The following DOHH variants were observed in gnomAD, a reference collection of about 807,000 sequenced individuals.
DOHH encodes deoxyhypusine hydroxylase.
DOHH carries 16 observed loss-of-function variants against 19.9 expected under a neutral mutation model. That is an observed-to-expected ratio of 0.80 (90% confidence interval 0.54 to 1.22). The LOEUF (loss-of-function observed/expected upper bound fraction) is 1.22. Among genes scored for constraint, DOHH ranks in the 50% most tolerant of loss-of-function variants. The probability of loss-of-function intolerance (pLI) is 0.00; values close to 1 mark genes in which losing one functional copy is unlikely to be tolerated. For missense variants in DOHH, 460 were observed against 460.6 expected, an observed-to-expected ratio of 1.00 and a Z score of 0.01; for synonymous variants, 233 against 217.0, an observed-to-expected ratio of 1.07 and a Z score of -0.65.
chr19:3,491,893 A>C lies in DOHH; in HGVS notation c.590-82T>G, dbSNP rs1040150633. ...CTTTTCGAAGACATGGGGTCTTGCT[A>C]TCTTGCCCAGGCAGGTCACAAAGTC... On this transcript the variant is annotated intron_variant, in intron 4 of 4. Transcript: ENST00000427575. This position sits in a 1 kb window ranked among gnomAD's most constrained non-coding sequence, Gnocchi z 5.6. 1.5e-6 allele frequency: 2 copies of C among 1,323,864 alleles called. No individual in the cohort carries two copies. The allele number at this position is 1,323,864 out of a possible 1,614,324, so 82.0% of individuals were successfully genotyped here.
At position 3,491,649 on chromosome 19, in the gene DOHH, C is replaced by T. The variant is rs371508531; in HGVS notation, c.752G>A (p.Arg251Gln). 2.3e-4 allele frequency: 357 copies of T among 1,534,698 alleles called. No homozygotes were observed. The highest frequency in any genetic ancestry group is 2.5e-4 in the Non-Finnish European group (282 of 1,144,904). ...ECAEALGAIA[R>Q]PACLAALQAH... is the part of the protein sequence containing the mutation. ...CTGCAGCGCGGCCAGGCAGGCGGGC[C>T]GGGCAATGGCGCCCAGGGCCTCCGC... The change falls in exon 5 of 5, where the codon CGG (arginine) becomes CAG (glutamine). Residue 251 changes from arginine (R) to glutamine (Q), a missense_variant. Physicochemically the swap from Arg to Gln is conservative, Grantham distance 43. Transcript: ENST00000427575. This position sits in a 1 kb window ranked among gnomAD's most constrained non-coding sequence, Gnocchi z 5.6.
rs1568220067 is a variant in DOHH, at chr19:3,491,632, CGGCCAGGCAGGCG to C, written c.756_768del (p.Ala253ArgfsTer71). ...GGGTCGTCCGCGTGAGCCTGCAGCGCGGCCAGGCAGGCGGGCCGGGCAATGGCGCCCAGGGCCT... is the reference window on the plus strand; with the variant it reads ...GGGTCGTCCGCGTGAGCCTGCAGCGCGGCCGGGCAATGGCGCCCAGGGCCT... On this transcript the variant is annotated frameshift_variant, in exon 5 of 5. Coordinates refer to ENST00000427575, the MANE Select transcript of DOHH (RefSeq NM_001145165.2). LOFTEE classifies it low-confidence loss of function (END_TRUNC). The surrounding 1 kb of genome is among the most constrained non-coding windows in gnomAD (Gnocchi z 5.6). 6.5e-7 allele frequency: 1 copy of C among 1,535,118 alleles called. No individual in the cohort carries two copies. Among genetic ancestry groups the C allele is most frequent in the African/African-American group, 1.4e-5 (1 of 73,018 alleles).
rs2082912016 is a variant in DOHH, at chr19:3,496,784, C to T, written c.31G>A (p.Gly11Arg). The change falls in exon 2 of 5, where the codon GGG becomes AGG. Residue 11 changes from glycine (G) to arginine (R), a missense_variant. Coordinates refer to ENST00000427575, the MANE Select transcript of DOHH (RefSeq NM_001145165.2). This position sits in a 1 kb window ranked among gnomAD's most constrained non-coding sequence, Gnocchi z 4.8. MVTEQEVDAI[G>R]QTLVDPKQPL... Reference sequence around the variant, plus strand: ...TGCTTGGGGTCCACCAGCGTCTGCCCGATGGCATCCACCTCCTGCTCCGTC... The same window carrying T: ...TGCTTGGGGTCCACCAGCGTCTGCCTGATGGCATCCACCTCCTGCTCCGTC... The T allele has an allele frequency of 3.1e-6, 5 of 1,598,908 alleles. No homozygotes were observed. The highest frequency in any genetic ancestry group is 3.4e-5 in the Admixed American group (2 of 59,084).
chr19:3,492,958 G>A (rs547492093), intron 3 of DOHH, among the ~76,000 whole-genome samples: 61 of 152,346 alleles, frequency 4.0e-4, no homozygotes, highest in African/African-American at 1.3e-3. Flanking sequence ...AGTGTCACAC[G>A]TACCCCCGGC....
chr19:3,496,659 G>C lies in DOHH; in HGVS notation c.156C>G (p.Ala52=). The C allele has an allele frequency of 6.2e-7, 1 of 1,614,016 alleles. No homozygotes were observed. Among genetic ancestry groups the C allele is most frequent in the Non-Finnish European group, 8.5e-7 (1 of 1,180,016 alleles). Residue 52 remains alanine, a synonymous_variant, in exon 2 of 5, where the codon GCC becomes GCG. Coordinates refer to ENST00000427575, the MANE Select transcript of DOHH (RefSeq NM_001145165.2). The surrounding 1 kb of genome is among the most constrained non-coding windows in gnomAD (Gnocchi z 4.8). ...AGTAGGCCAGCTCGTGCTTGAGCAGGGCGGAATCGTCATCGAAGGCCTGGC... is the reference window on the plus strand; with the variant it reads ...AGTAGGCCAGCTCGTGCTTGAGCAGCGCGGAATCGTCATCGAAGGCCTGGC... The part of the protein sequence containing the change: ...WISQAFDDDS[A]LLKHELAYCL...
intron 1 of DOHH, among the ~76,000 whole-genome samples, chr19:3,498,315 G>A (rs537869614): frequency 6.6e-6 from 1 of 152,284 alleles, no homozygotes; most frequent in South Asian, 2.1e-4. Context: ...AAAAGAGCCA[G>A]TGCCCTCATA....
chr19:3,491,722 C>T lies in DOHH; in HGVS notation c.679G>A (p.Ala227Thr). The change falls in exon 5 of 5, where the codon GCC becomes ACC. Residue 227 changes from alanine to threonine, a missense_variant. By Grantham distance (58) the Ala-to-Thr change is moderately conservative (BLOSUM62 0). Transcript: ENST00000427575. This position sits in a 1 kb window ranked among gnomAD's most constrained non-coding sequence, Gnocchi z 5.6. ...QHEAAVPQLAAALARCTENPM... is the reference protein window; with the variant it reads ...QHEAAVPQLATALARCTENPM... ...TTCTCGGTGCATCGGGCCAGGGCGG[C>T]CGCCAGCTGGGGCACCGCCGCCTCG... 1 of 1,509,706 alleles carries T rather than the reference C, an allele frequency of 6.6e-7. No homozygotes were observed. Among genetic ancestry groups the T allele is most frequent in the Admixed American group, 2.4e-5 (1 of 41,662 alleles). 93.5% of individuals were successfully genotyped at this position (1,509,706 alleles called of 1,614,324 possible). A position where few individuals can be genotyped will look rare whatever the true frequency, so the allele number is the denominator to read the frequency against.
Position 3,491,990 on chromosome 19 carries a change from G to T in DOHH, c.590-179C>A, listed in dbSNP as rs1403146367. Reference sequence around the variant, plus strand: ...CGTGAGCCACCACGCCCAACCTGGGGTGTTCTACCTTGAAGACACCCCTGC... The same window carrying T: ...CGTGAGCCACCACGCCCAACCTGGGTTGTTCTACCTTGAAGACACCCCTGC... On this transcript the variant is annotated intron_variant, in intron 4 of 4. Coordinates refer to ENST00000427575, the MANE Select transcript of DOHH (RefSeq NM_001145165.2). The surrounding 1 kb of genome is among the most constrained non-coding windows in gnomAD (Gnocchi z 5.6). 6.6e-6 allele frequency among the ~76,000 whole-genome samples: 1 copy of T among 152,188 alleles called. No individual in the cohort carries two copies. Among genetic ancestry groups the T allele is most frequent in the African/African-American group, 2.4e-5 (1 of 41,442 alleles).
At chr19:3,492,088 T>C (rs2082873970) in intron 4 of DOHH, among the ~76,000 whole-genome samples, 174 bp downstream of exon 4, 1 of 152,084 alleles carries the variant, frequency 6.6e-6, no homozygotes, top group Non-Finnish European at 1.5e-5. Context: ...CTGGGAGCTA[T>C]GGGGACCAAG....
chr19:3,499,255 T>G (rs2082931841), intron 1 of DOHH, among the ~76,000 whole-genome samples: 1 of 152,216 alleles, frequency 6.6e-6, no homozygotes, highest in Non-Finnish European at 1.5e-5. Flanking sequence ...CTGATCACAA[T>G]GGACAATGTT....
Position 3,491,549 on chromosome 19 carries a change from G to C in DOHH, c.852C>G (p.Thr284=). The change falls in exon 5 of 5, where the codon ACC becomes ACG. Residue 284 remains threonine, a synonymous_variant. Coordinates refer to ENST00000427575, the MANE Select transcript of DOHH (RefSeq NM_001145165.2). This position sits in a 1 kb window ranked among gnomAD's most constrained non-coding sequence, Gnocchi z 5.6. Reference sequence around the variant, plus strand: ...CGTCCGCGTACTGGAAGGCCCGCCCGGTCTCGTGCTCATACATGTCCAGAG... The same window carrying C: ...CGTCCGCGTACTGGAAGGCCCGCCCCGTCTCGTGCTCATACATGTCCAGAG... ...EVALDMYEHE[T]GRAFQYADGL... is the part of the protein sequence containing the mutation. 6.5e-7 allele frequency: 1 copy of C among 1,535,784 alleles called. No homozygotes were observed. The highest frequency in any genetic ancestry group is 8.7e-7 in the Non-Finnish European group (1 of 1,146,730).
chr19:3,496,704 T>G lies in DOHH; in HGVS notation c.111A>C (p.Pro37=). ...CCTGGCTGATCCATGCAATGGCGCC[T>G]GGGCCGCCGAGCCCACGCAGCGTGA... is the stretch of plus-strand genomic sequence containing the variant. ...ALFTLRGLGG[P]GAIAWISQAF... The change falls in exon 2 of 5, where the codon CCA becomes CCC. Residue 37 remains proline (P), a synonymous_variant. Coordinates refer to ENST00000427575, the MANE Select transcript of DOHH (RefSeq NM_001145165.2). This position sits in a 1 kb window ranked among gnomAD's most constrained non-coding sequence, Gnocchi z 4.8. 5 of 1,613,462 alleles carry G rather than the reference T, an allele frequency of 3.1e-6. No homozygotes were observed. The highest frequency in any genetic ancestry group is 4.2e-6 in the Non-Finnish European group (5 of 1,179,906).
rs372878644 is a variant in DOHH at position 3,491,739 on chromosome 19, G to A, written c.662C>T (p.Ala221Val). ...CAGGGCGGCCGCCAGCTGGGGCACC[G>A]CCGCCTCGTGCTGCAGCTGTCCCAG... ...YVLGQLQHEA[A>V]VPQLAAALAR... Residue 221 changes from alanine to valine, a missense_variant, in exon 5 of 5, where the codon GCG (alanine) becomes GTG (valine). Coordinates refer to ENST00000427575, the MANE Select transcript of DOHH (RefSeq NM_001145165.2). This position sits in a 1 kb window ranked among gnomAD's most constrained non-coding sequence, Gnocchi z 5.6. 1.1e-5 allele frequency: 17 copies of A among 1,510,140 alleles called. No homozygotes were observed. Among genetic ancestry groups the A allele is most frequent in the African/African-American group, 7.2e-5 (5 of 69,284 alleles). 93.5% of individuals were successfully genotyped at this position (1,510,140 alleles called of 1,614,324 possible). A position where few individuals can be genotyped will look rare whatever the true frequency, so the allele number is the denominator to read the frequency against.
rs1202131568 is a variant in DOHH, at chr19:3,496,832, C to G, written c.-18G>C. 5.8e-6 allele frequency: 9 copies of G among 1,545,268 alleles called. No homozygotes were observed. The highest frequency in any genetic ancestry group is 7.8e-6 in the Non-Finnish European group (9 of 1,148,756). On this transcript the variant is annotated 5_prime_UTR_variant, in exon 2 of 5. Coordinates refer to ENST00000427575, the MANE Select transcript of DOHH (RefSeq NM_001145165.2). The surrounding 1 kb of genome is among the most constrained non-coding windows in gnomAD (Gnocchi z 4.8). ...GTCACCATCGTGCTGTCAATGGGTC[C>G]CGGCCTTCCACAACCCTGCTCAGGC...
intron 3 of DOHH, among the ~76,000 whole-genome samples, chr19:3,493,622 A>T (rs1278044303): frequency 6.6e-6 from 1 of 151,514 alleles, no homozygotes; most frequent in Non-Finnish European, 1.5e-5. Context: ...AAAAAAAAAA[A>T]GAAGAAATGT....
Position 3,496,746 on chromosome 19 carries a change from G to C in DOHH, c.69C>G (p.Ala23=). The change falls in exon 2 of 5, where the codon GCC becomes GCG. Residue 23 remains alanine, a synonymous_variant. Coordinates refer to ENST00000427575, the MANE Select transcript of DOHH (RefSeq NM_001145165.2). The surrounding 1 kb of genome is among the most constrained non-coding windows in gnomAD (Gnocchi z 4.8). ...GCAGCGTGAACAGCGCCCGGAAGCG[G>C]GCCTGCAGGGGCTGCTTGGGGTCCA... ...TLVDPKQPLQ[A]RFRALFTLRG... 2 of 1,610,488 alleles carry C rather than the reference G, an allele frequency of 1.2e-6. No homozygotes were observed. Among genetic ancestry groups the C allele is most frequent in the Non-Finnish European group, 1.7e-6 (2 of 1,178,948 alleles).
In DOHH at chr19:3,496,435, G is replaced by A. The variant is rs2082907810; in HGVS notation, c.274+106C>T. ...TTACTATCTGGTGCTCTATGGGGCA[G>A]TTGACCACTCTGATATTTATCACCT... On this transcript the variant is annotated intron_variant, in intron 2 of 4. Coordinates refer to ENST00000427575, the MANE Select transcript of DOHH (RefSeq NM_001145165.2). This position sits in a 1 kb window ranked among gnomAD's most constrained non-coding sequence, Gnocchi z 4.8. 8 of 1,500,570 alleles carry A rather than the reference G, an allele frequency of 5.3e-6. No individual in the cohort carries two copies. The highest frequency in any genetic ancestry group is 5.4e-6 in the Non-Finnish European group (6 of 1,114,964). The allele number at this position is 1,500,570 out of a possible 1,614,324, so 93.0% of individuals were successfully genotyped here.
In DOHH at chr19:3,491,601, C is replaced by A. The variant is rs1360154025; in HGVS notation, c.800G>T (p.Arg267Leu). ...ALQAHADDPE[R>L]VVRESCEVAL... ...CACCTCGCAGCTCTCACGCACCACGCGCTCTGGGTCGTCCGCGTGAGCCTG... is the reference window on the plus strand; with the variant it reads ...CACCTCGCAGCTCTCACGCACCACGAGCTCTGGGTCGTCCGCGTGAGCCTG... The change falls in exon 5 of 5, where the codon CGC becomes CTC. Residue 267 changes from arginine (R) to leucine (L), a missense_variant. By Grantham distance (102) the Arg-to-Leu change is moderately radical. Transcript: ENST00000427575. The surrounding 1 kb of genome is among the most constrained non-coding windows in gnomAD (Gnocchi z 5.6). 3.9e-6 allele frequency: 6 copies of A among 1,535,812 alleles called. No homozygotes were observed. The Admixed American group carries it at 5.9e-5, about 15-fold the overall frequency.
Position 3,496,474 on chromosome 19 carries a change from G to A in DOHH, c.274+67C>T. ...TATTTATCACCTGAGTGAGGAAGGG[G>A]ACACGTGGGGTCATGAAGAAGTGAG... On this transcript the variant is annotated intron_variant, in intron 2 of 4. Transcript: ENST00000427575. The surrounding 1 kb of genome is among the most constrained non-coding windows in gnomAD (Gnocchi z 4.8). The A allele has an allele frequency of 6.4e-7, 1 of 1,558,376 alleles. No homozygotes were observed. The highest frequency in any genetic ancestry group is 8.7e-7 in the Non-Finnish European group (1 of 1,152,532).
Sources: allele counts gnomAD v4.1 joint callset (sites outside exome capture counted in the v4.1 genomes callset), GRCh38; gene constraint gnomAD v4.1.1; non-coding constraint Gnocchi (gnomAD v3.1); transcripts MANE v1.5; gene names NCBI Gene and HGNC (gene_info 2026-07-23, HGNC 2026-07-21).